The following TIAM1 variants were observed in gnomAD, a reference collection of about 807,000 sequenced individuals.
TIAM1 encodes TIAM Rac1 associated GEF 1.
In TIAM1, 65 loss-of-function variants were observed where a neutral mutation model predicts 163.5. That is an observed-to-expected ratio of 0.40 (90% CI 0.33 to 0.49). The LOEUF is 0.49. Among genes scored for constraint, TIAM1 ranks in the 20% least tolerant of loss-of-function variants. TIAM1 has a pLI of 0.77. For missense variants in TIAM1, 1,789 were observed against 2,044.7 expected (o/e 0.87, Z 2.41); for synonymous variants, 833 against 810.1 (o/e 1.03, Z -0.48).
At chr21:31,166,217 C>A (rs2084207379) in intron 15 of TIAM1, among the ~76,000 whole-genome samples, 2 of 152,200 alleles carry the variant, frequency 1.3e-5, no homozygotes, top group Non-Finnish European at 2.9e-5. Context: ...TAAAAACCTT[C>A]TCTAATTGAA....
intron 3 of TIAM1, among the ~76,000 whole-genome samples, chr21:31,273,300 T>G (rs1444193739): frequency 6.6e-6 from 1 of 152,058 alleles, no homozygotes; most frequent in African/African-American, 2.4e-5. Context: ...AGAGAGAGTG[T>G]GGAGATCTTA....
chr21:31,309,185 G>A (rs970178789), intron 2 of TIAM1, among the ~76,000 whole-genome samples: 3 of 152,186 alleles, frequency 2.0e-5, no homozygotes, highest in Admixed American at 2.0e-4. Flanking sequence ...TAAGCTGGGT[G>A]CGGTGGCACA....
chr21:31,385,880 A>G (rs948502480), intron 2 of TIAM1, among the ~76,000 whole-genome samples: 1 of 138,808 alleles, frequency 7.2e-6, no homozygotes, highest in East Asian at 2.0e-4. Flanking sequence ...TAATTATATT[A>G]GTTAATATAA....
intron 2 of TIAM1, among the ~76,000 whole-genome samples, chr21:31,285,280 G>A (rs1246352211): frequency 6.6e-6 from 1 of 152,158 alleles, no homozygotes; most frequent in Non-Finnish European, 1.5e-5. Flanking sequence ...GGGGGGCGGT[G>A]AGGCCATGAA....
chr21:31,135,111 A>G (rs1601221420), intron 23 of TIAM1, among the ~76,000 whole-genome samples: 1 of 152,218 alleles, frequency 6.6e-6, no homozygotes, highest in East Asian at 1.9e-4. Flanking sequence ...TTATGTTCCT[A>G]CCCATGAGTC....
At chr21:31,256,641 T>C (rs192076696) in intron 4 of TIAM1, among the ~76,000 whole-genome samples, 60 of 51,442 alleles carry the variant, frequency 1.2e-3, no homozygotes, top group African/African-American at 3.1e-3. Flanking sequence ...ATATTATCTT[T>C]GGCTCTCAGT....
chr21:31,319,501 G>A (rs867473448), intron 2 of TIAM1, among the ~76,000 whole-genome samples: 2 of 151,912 alleles, frequency 1.3e-5, no homozygotes, highest in South Asian at 2.1e-4. Context: ...TAACCTGGCC[G>A]GGCACGGTGG....
At chr21:31,512,705 C>T (rs1208258505) in intron 1 of TIAM1, among the ~76,000 whole-genome samples, 4 of 150,924 alleles carry the variant, frequency 2.7e-5, no homozygotes, top group Non-Finnish European at 5.9e-5. Context: ...GCAACCTCCA[C>T]CTCCCAGGCT....
chr21:31,465,102 G>A (rs1028246664), intron 1 of TIAM1, among the ~76,000 whole-genome samples: 6 of 151,626 alleles, frequency 4.0e-5, no homozygotes, highest in African/African-American at 7.3e-5. Context: ...GAAGGCTGCG[G>A]TGAGAGGATT....
chr21:31,367,158 G>C (rs543161856), intron 2 of TIAM1, among the ~76,000 whole-genome samples: 4 of 151,988 alleles, frequency 2.6e-5, no homozygotes, highest in Admixed American at 6.6e-5. Flanking sequence ...GGGAGGGAGA[G>C]AGGAAAGGAG....
At position 31,266,444 on chromosome 21, in the gene TIAM1, G is replaced by A. The variant is rs867133208; in HGVS notation, c.529C>T (p.Arg177Trp). ...AGTGAGAATTCCAGGCTGTCCTCCC[G>A]CCAGATGTCTGCAGATTTGGAGCGT... is the stretch of plus-strand genomic sequence containing the variant. Reference protein sequence around the residue: ...KKRSKSADIWREDSLEFSLSD... With the variant: ...KKRSKSADIWWEDSLEFSLSD... Residue 177 changes from arginine to tryptophan, a missense_variant, in exon 4 of 28, where the codon CGG (arginine) becomes TGG (tryptophan). This residue lies in a region of TIAM1 where 555 missense variants were observed against 564.9 expected (regional missense o/e 0.98). Coordinates refer to ENST00000541036, the MANE Select transcript of TIAM1 (RefSeq NM_001353694.2). 23 of 1,614,042 alleles carry A rather than the reference G, an allele frequency of 1.4e-5. No individual in the cohort carries two copies. The highest frequency in any genetic ancestry group is 6.7e-5 in the East Asian group (3 of 44,888).
At chr21:31,216,030 A>T (rs916168248) in intron 9 of TIAM1, among the ~76,000 whole-genome samples, 4 of 152,090 alleles carry the variant, frequency 2.6e-5, no homozygotes, top group African/African-American at 9.7e-5. Flanking sequence ...TATTAGCTGC[A>T]CGTGGTGGTG....
chr21:31,419,885 T>C (rs1291945084), intron 2 of TIAM1, among the ~76,000 whole-genome samples: 7 of 152,074 alleles, frequency 4.6e-5, no homozygotes, highest in African/African-American at 1.4e-4. Context: ...ACCCCGTCTC[T>C]ACTAAAAATA....
At chr21:31,450,776 C>A (rs535188911) in intron 2 of TIAM1, among the ~76,000 whole-genome samples, 2 of 152,106 alleles carry the variant, frequency 1.3e-5, no homozygotes, top group Admixed American at 6.5e-5. Flanking sequence ...GAGAGCCAAG[C>A]GGAAAGGGTT....
chr21:31,516,764 A>G (rs1423813440), intron 1 of TIAM1, among the ~76,000 whole-genome samples: 1 of 151,974 alleles, frequency 6.6e-6, no homozygotes, highest in African/African-American at 2.4e-5. Flanking sequence ...TTAGAAATAT[A>G]ATGAATTCAG....
intron 2 of TIAM1, among the ~76,000 whole-genome samples, chr21:31,415,845 A>ACTGTCTCCTCCATGTCT (rs1273843761): frequency 3.9e-5 from 6 of 152,080 alleles, no homozygotes; most frequent in African/African-American, 1.4e-4. Context: ...CCTTCCCCAC[A>ACTGTCTCCTCCATGTCT]CTGTCTCCTC....
In TIAM1 at chr21:31,421,622, G is replaced by A. The variant is rs116212008; in HGVS notation, c.-369+42361C>T. Among the ~76,000 whole-genome samples, 260 of 152,282 alleles carry A rather than the reference G, an allele frequency of 1.7e-3. 3 individuals are homozygous for A. Among genetic ancestry groups the A allele is most frequent in the African/African-American group, 5.8e-3 (243 of 41,552 alleles). On this transcript the variant is annotated intron_variant, in intron 2 of 28. Coordinates refer to the TIAM1 transcript ENST00000286827. ...AGTTTCATTCTGAAACCTTGGGTCCGTGGGAAAAACTGTCTTCCATGAAAC... is the reference window on the plus strand; with the variant it reads ...AGTTTCATTCTGAAACCTTGGGTCCATGGGAAAAACTGTCTTCCATGAAAC...
intron 2 of TIAM1, among the ~76,000 whole-genome samples, chr21:31,427,649 T>A (rs1350532549): frequency 6.6e-6 from 1 of 151,570 alleles, no homozygotes; most frequent in Non-Finnish European, 1.5e-5. Flanking sequence ...TAACGAGACC[T>A]CATATCTATG....
chr21:31,353,986 C>T (rs2076277340), intron 2 of TIAM1, among the ~76,000 whole-genome samples: 4 of 151,272 alleles, frequency 2.6e-5, no homozygotes, highest in Admixed American at 2.0e-4. Flanking sequence ...TACAGGTGCC[C>T]GCCAACAAGC....
Sources: allele counts gnomAD v4.1 joint callset (sites outside exome capture counted in the v4.1 genomes callset), GRCh38; gene constraint gnomAD v4.1.1; regional missense constraint gnomAD v4.1.1; transcripts MANE v1.5; gene names NCBI Gene and HGNC (gene_info 2026-07-23, HGNC 2026-07-21).